UNC13C: variants seen among roughly 807,000 people sequenced by gnomAD.
UNC13C encodes unc-13 homolog C.
Under a neutral mutation model 245.4 loss-of-function variants are expected in UNC13C, and 174 were observed. That is an observed-to-expected ratio of 0.71 (90% CI 0.63 to 0.80). The LOEUF is 0.80. Ranked by LOEUF, UNC13C falls within the 30% of genes least tolerant of loss-of-function variation. The probability of loss-of-function intolerance (pLI) is 0.00; values close to 1 mark genes in which losing one functional copy is unlikely to be tolerated. For missense variants in UNC13C, 2,829 were observed against 2,602.9 expected (o/e 1.09, Z -1.89); for synonymous variants, 992 against 895.1 (o/e 1.11, Z -1.93).
intron 2 of UNC13C, among the ~76,000 whole-genome samples, chr15:54,035,320 C>T (rs147012522): frequency 4.6e-5 from 7 of 152,264 alleles, no homozygotes; most frequent in African/African-American, 1.7e-4. Flanking sequence ...CATATACACA[C>T]TGTATCTATT....
At chr15:54,378,844 A>T (rs2039660984) in intron 17 of UNC13C, among the ~76,000 whole-genome samples, 1 of 152,050 alleles carries the variant, frequency 6.6e-6, no homozygotes, top group Non-Finnish European at 1.5e-5. Context: ...TAGTTTAATT[A>T]ACTATGTACA....
intron 19 of UNC13C, among the ~76,000 whole-genome samples, chr15:54,439,210 C>A (rs936546809): frequency 6.6e-6 from 1 of 151,934 alleles, no homozygotes; most frequent in African/African-American, 2.4e-5. Flanking sequence ...CACTGGGATA[C>A]CAGGAATAAC....
chr15:54,196,424 A>C (rs777236914), intron 4 of UNC13C, among the ~76,000 whole-genome samples: 15 of 152,244 alleles, frequency 9.9e-5, no homozygotes, highest in Non-Finnish European at 1.8e-4. Context: ...TTTTGGATCT[A>C]TTCCACATTC....
chr15:54,184,695 C>G (rs2033915083), intron 4 of UNC13C, among the ~76,000 whole-genome samples: 1 of 152,126 alleles, frequency 6.6e-6, no homozygotes, highest in Non-Finnish European at 1.5e-5. Flanking sequence ...GGTTCCAAGT[C>G]TTTGCTATTG....
chr15:54,088,796 G>T (rs1449898923), intron 2 of UNC13C, among the ~76,000 whole-genome samples: 1 of 152,188 alleles, frequency 6.6e-6, no homozygotes, highest in Non-Finnish European at 1.5e-5. Context: ...AATAAATGGG[G>T]ATTTAAACAT....
At chr15:54,153,579 T>C (rs192444914) in intron 4 of UNC13C, among the ~76,000 whole-genome samples, 1 of 152,184 alleles carries the variant, frequency 6.6e-6, no homozygotes, top group East Asian at 1.9e-4. Flanking sequence ...GCGAAATTGA[T>C]ACAATTTTAC....
intron 30 of UNC13C, among the ~76,000 whole-genome samples, chr15:54,569,487 TTTA>T (rs1423198279): frequency 6.6e-6 from 1 of 152,134 alleles, no homozygotes; most frequent in Non-Finnish European, 1.5e-5. Flanking sequence ...AGATGCAATT[TTTA>T]AAAATATTTT....
At chr15:54,491,500 T>C (rs1283164967) in intron 19 of UNC13C, among the ~76,000 whole-genome samples, 1 of 152,226 alleles carries the variant, frequency 6.6e-6, no homozygotes, top group Non-Finnish European at 1.5e-5. Context: ...ATTGGTAATA[T>C]TTTTGTTTTT....
At chr15:54,136,219 C>T (rs1324455800) in intron 2 of UNC13C, among the ~76,000 whole-genome samples, 5 of 152,140 alleles carry the variant, frequency 3.3e-5, no homozygotes, top group Non-Finnish European at 7.3e-5. Flanking sequence ...CTAACTGCAG[C>T]CTTGACCTCC....
At chr15:54,041,535 C>T (rs965365198) in intron 2 of UNC13C, among the ~76,000 whole-genome samples, 3 of 152,122 alleles carry the variant, frequency 2.0e-5, no homozygotes, top group Non-Finnish European at 4.4e-5. Context: ...AATAGACATG[C>T]CTGGAACACC....
the UNC13C span, among the ~76,000 whole-genome samples, chr15:53,940,931 C>T: frequency 2.6e-5 from 4 of 152,118 alleles, no homozygotes; most frequent in Non-Finnish European, 5.9e-5. Context: ...CTACCAGTGC[C>T]ATTTTTGACA....
At chr15:54,569,905 C>T (rs765566572) in intron 30 of UNC13C, among the ~76,000 whole-genome samples, 1 of 151,928 alleles carries the variant, frequency 6.6e-6, no homozygotes, top group African/African-American at 2.4e-5. Flanking sequence ...TTATTTCCAC[C>T]TCCTCCAGCC....
chr15:54,326,686 G>C (rs913739149), intron 14 of UNC13C, among the ~76,000 whole-genome samples: 1 of 151,994 alleles, frequency 6.6e-6, no homozygotes, highest in Non-Finnish European at 1.5e-5. Context: ...GAGAAAACAG[G>C]CAGAGACAGA....
chr15:54,559,507 T>C (rs908322350), intron 29 of UNC13C, among the ~76,000 whole-genome samples: 5 of 152,036 alleles, frequency 3.3e-5, no homozygotes, highest in African/African-American at 1.2e-4. Context: ...TCAAATATCA[T>C]TATTTGAGAG....
At chr15:54,381,527 T>C (rs909478541) in intron 17 of UNC13C, among the ~76,000 whole-genome samples, 1 of 152,180 alleles carries the variant, frequency 6.6e-6, no homozygotes, top group African/African-American at 2.4e-5. Context: ...GCATTGACTC[T>C]GTAGATCACT....
At chr15:53,936,707 G>A in the UNC13C span, among the ~76,000 whole-genome samples, 1 of 152,216 alleles carries the variant, frequency 6.6e-6, no homozygotes, top group Non-Finnish European at 1.5e-5. Flanking sequence ...GTCTTCACTG[G>A]TGATAGCTCC....
chr15:54,286,219 G>A (rs1387719249), intron 10 of UNC13C, among the ~76,000 whole-genome samples: 2 of 151,950 alleles, frequency 1.3e-5, no homozygotes, highest in Non-Finnish European at 2.9e-5. Flanking sequence ...AATAAAAGCT[G>A]GTACAATACT....
Position 54,013,675 on chromosome 15 carries a change from A to T in UNC13C, c.772A>T (p.Thr258Ser). The T allele has an allele frequency of 6.2e-7, 1 of 1,613,844 alleles. No homozygotes were observed. Among genetic ancestry groups the T allele is most frequent in the Non-Finnish European group, 8.5e-7 (1 of 1,179,838 alleles). Residue 258 changes from threonine (T) to serine (S), a missense_variant, in exon 2 of 33, where the codon ACA (threonine) becomes TCA (serine). Coordinates refer to ENST00000260323, the MANE Select transcript of UNC13C (RefSeq NM_001080534.3). ...KELQGISQIETELSELRGHVN... is the reference protein window; with the variant it reads ...KELQGISQIESELSELRGHVN... ...ACTTCAGGGAATAAGTCAGATTGAA[A>T]CAGAACTTTCTGAACTACGAGGGCA...
At chr15:54,510,787 C>T (rs1195119881) in intron 23 of UNC13C, among the ~76,000 whole-genome samples, 1 of 152,030 alleles carries the variant, frequency 6.6e-6, no homozygotes. Flanking sequence ...ATCCATTTTC[C>T]TTCCTTTGTC....
Sources: allele counts gnomAD v4.1 joint callset (sites outside exome capture counted in the v4.1 genomes callset), GRCh38; gene constraint gnomAD v4.1.1; transcripts MANE v1.5; gene names NCBI Gene and HGNC (gene_info 2026-07-23, HGNC 2026-07-21).